Variants in PAPPA2 observed in about 807,000 individuals in gnomAD.
PAPPA2 encodes pappalysin 2, also known as pappalysin-2.
A neutral mutation model predicts 176.4 loss-of-function variants in PAPPA2; 86 were observed. The observed-to-expected ratio is 0.49, with a 90% CI of 0.41 to 0.58. PAPPA2 has a LOEUF of 0.58. Ranked by LOEUF, PAPPA2 falls within the 20% of genes least tolerant of loss-of-function variation. PAPPA2 has a pLI of 0.00. For missense variants in PAPPA2, 2,073 were observed against 2,256.9 expected (o/e 0.92, Z 1.65); for synonymous variants, 809 against 852.2 (o/e 0.95, Z 0.88).
intron 21 of PAPPA2, among the ~76,000 whole-genome samples, chr1:176,825,575 A>G (rs1405849564): frequency 6.6e-6 from 1 of 152,226 alleles, no homozygotes; most frequent in Non-Finnish European, 1.5e-5. Context: ...AGAGTTCAGC[A>G]TGAAGGTGGG....
Position 176,556,758 on chromosome 1 carries a change from G to A in PAPPA2, c.436G>A (p.Ala146Thr), listed in dbSNP as rs1404998147. The change falls in exon 2 of 23, where the codon GCT becomes ACT. Residue 146 changes from alanine (A) to threonine (T), a missense_variant. This residue lies in a region of PAPPA2 where 1,196 missense variants were observed against 1,330.4 expected (regional missense o/e 0.90). Coordinates refer to ENST00000367662, the MANE Select transcript of PAPPA2 (RefSeq NM_020318.3). ...ATCTGAGCTGCTGGGAGATGATGAC[G>A]CTTATCTCGGCAATCAAAGATCCAA... ...GQSELLGDDD[A>T]YLGNQRSKES... 3 of 1,614,126 alleles carry A rather than the reference G, an allele frequency of 1.9e-6. No individual in the cohort carries two copies. Among genetic ancestry groups the A allele is most frequent in the East Asian group, 4.5e-5 (2 of 44,864 alleles).
intron 3 of PAPPA2, among the ~76,000 whole-genome samples, chr1:176,658,689 C>T (rs559888645): frequency 6.6e-6 from 1 of 151,806 alleles, no homozygotes; most frequent in South Asian, 2.1e-4. Context: ...AAAGCAAAAC[C>T]ACACTTGGTG....
rs542958345 is a variant in PAPPA2, at chr1:176,738,338, G to A, written c.3799-1288G>A. Among the ~76,000 whole-genome samples, 23 of 152,230 alleles carry A rather than the reference G, an allele frequency of 1.5e-4. No individual in the cohort carries two copies. In the South Asian group the frequency reaches 4.1e-3, roughly 27 times the overall value. ...AGAAGGAGAGAAAGAAGGGAGAGCC[G>A]TGCTGCTTTGACCACTGAAAATCAT... On this transcript the variant is annotated intron_variant, in intron 12 of 22. Coordinates refer to ENST00000367662, the MANE Select transcript of PAPPA2 (RefSeq NM_020318.3).
intron 1 of PAPPA2, among the ~76,000 whole-genome samples, chr1:176,546,250 T>C (rs1231500003): frequency 1.3e-5 from 2 of 152,238 alleles, no homozygotes; most frequent in East Asian, 3.8e-4. Context: ...GCTACCCATT[T>C]TGATGCCATA....
At chr1:176,503,447 A>G (rs749153179) in intron 1 of PAPPA2, among the ~76,000 whole-genome samples, 5 of 152,148 alleles carry the variant, frequency 3.3e-5, no homozygotes, top group Admixed American at 6.6e-5. Context: ...GTAACACAAC[A>G]TATTTACAGA....
chr1:176,809,352 T>C (rs1571358483), intron 21 of PAPPA2, among the ~76,000 whole-genome samples: 2 of 152,202 alleles, frequency 1.3e-5, no homozygotes, highest in South Asian at 4.1e-4. Context: ...AGTGGCTGGA[T>C]TACTGAAATG....
intron 4 of PAPPA2, among the ~76,000 whole-genome samples, chr1:176,675,495 C>A (rs992719198): frequency 1.3e-5 from 2 of 151,558 alleles, no homozygotes; most frequent in Non-Finnish European, 2.9e-5. Context: ...AAAATAGATA[C>A]CAGTAAGAAA....
chr1:176,523,700 A>G (rs1183686704), intron 1 of PAPPA2, among the ~76,000 whole-genome samples: 1 of 152,232 alleles, frequency 6.6e-6, no homozygotes, highest in Non-Finnish European at 1.5e-5. Flanking sequence ...AAATATGAAT[A>G]AGACATGGGG....
At chr1:176,693,733 G>A (rs960219702) in intron 6 of PAPPA2, among the ~76,000 whole-genome samples, 5 of 152,108 alleles carry the variant, frequency 3.3e-5, no homozygotes, top group East Asian at 1.9e-4. Context: ...GGTCATCAGC[G>A]CCCAAACCCT....
rs757885352 is a variant in PAPPA2, at chr1:176,556,694, G to T, written c.372G>T (p.Glu124Asp). The stretch of plus-strand genomic sequence containing the variant: ...CAGGACTGAGGGGTGCAGTTGAAGA[G>T]CCGGCTGCCCCATGGGTAGGGGATA... ...NPAGLRGAVE[E>D]PAAPWVGDSP... is the part of the protein sequence containing the mutation. Residue 124 changes from glutamate (E) to aspartate (D), a missense_variant, in exon 2 of 23, where the codon GAG becomes GAT. Physicochemically the swap from Glu to Asp is conservative, Grantham distance 45 (BLOSUM62 2). Around this residue, in one of 4 missense-constraint regions of PAPPA2, gnomAD observed 1,196 missense variants for 1,330.4 expected, o/e 0.90. Transcript: ENST00000367662. The T allele has an allele frequency of 3.1e-6, 5 of 1,614,116 alleles. No individual in the cohort carries two copies. The Admixed American group carries it at 8.3e-5, about 27-fold the overall frequency.
chr1:176,843,820 T>C lies in PAPPA2; in HGVS notation c.*1366T>C, dbSNP rs1328510291. 6.6e-6 allele frequency: 1 copy of C among 152,118 alleles called. No homozygotes were observed. The highest frequency in any genetic ancestry group is 6.6e-5 in the Admixed American group (1 of 15,262). 9.4% of individuals were successfully genotyped at this position (152,118 alleles called of 1,614,324 possible). A position where few individuals can be genotyped will look rare whatever the true frequency, so the allele number is the denominator to read the frequency against. ...TGGGTCCCTTGAGCAATGAAGAATC[T>C]GAGATAAATTCTCTTCAAGTATCAT... On this transcript the variant is annotated 3_prime_UTR_variant, in exon 23 of 23. Coordinates refer to ENST00000367662, the MANE Select transcript of PAPPA2 (RefSeq NM_020318.3).
chr1:176,570,624 C>G (rs1248068143), intron 2 of PAPPA2, among the ~76,000 whole-genome samples: 3 of 151,430 alleles, frequency 2.0e-5, no homozygotes, highest in Admixed American at 6.6e-5. Flanking sequence ...GGGCAATGCT[C>G]CCTCCTGGGT....
At chr1:176,681,341 G>A (rs1052036533) in intron 4 of PAPPA2, among the ~76,000 whole-genome samples, 2 of 152,176 alleles carry the variant, frequency 1.3e-5, no homozygotes, top group Non-Finnish European at 2.9e-5. Context: ...CTCACTGAGG[G>A]CAGCATGCCC....
intron 21 of PAPPA2, among the ~76,000 whole-genome samples, chr1:176,830,240 A>T (rs1183602513): frequency 6.6e-6 from 1 of 152,154 alleles, no homozygotes; most frequent in Non-Finnish European, 1.5e-5. Context: ...AAACAAATAG[A>T]TGACAGGGGG....
intron 14 of PAPPA2, among the ~76,000 whole-genome samples, chr1:176,741,158 G>C (rs1662662718): frequency 6.6e-6 from 1 of 152,124 alleles, no homozygotes. Flanking sequence ...AGTTTCTGAG[G>C]GTGAGGAATC....
At chr1:176,805,144 T>C (rs976968980) in intron 21 of PAPPA2, among the ~76,000 whole-genome samples, 1 of 152,098 alleles carries the variant, frequency 6.6e-6, no homozygotes, top group African/African-American at 2.4e-5. Flanking sequence ...TATTTATTAA[T>C]TCTACCAAAG....
chr1:176,693,863 G>T (rs932136415), intron 6 of PAPPA2, among the ~76,000 whole-genome samples: 1 of 152,198 alleles, frequency 6.6e-6, no homozygotes, highest in Non-Finnish European at 1.5e-5. Context: ...CTCTGTGGGT[G>T]TGTGCAAACC....
At chr1:176,507,160 A>G (rs1648320624) in intron 1 of PAPPA2, among the ~76,000 whole-genome samples, 1 of 152,106 alleles carries the variant, frequency 6.6e-6, no homozygotes, top group African/African-American at 2.4e-5. Flanking sequence ...AAGAAGACAT[A>G]CAAGTGGTCA....
chr1:176,544,645 C>T (rs569856660), intron 1 of PAPPA2, among the ~76,000 whole-genome samples: 8 of 152,294 alleles, frequency 5.3e-5, no homozygotes, highest in South Asian at 4.1e-4. Context: ...ATTCAATTCC[C>T]GCACTATCTA....
Sources: gnomAD v4.1 joint callset for allele counts (sites outside exome capture counted in the v4.1 genomes callset) on GRCh38, gnomAD v4.1.1 for gene constraint, gnomAD v4.1.1 regional missense constraint, MANE v1.5 for transcripts, NCBI Gene and HGNC (gene_info 2026-07-23, HGNC 2026-07-21) for gene names.